GRIP2: variants seen among roughly 807,000 people sequenced by gnomAD.
GRIP2 encodes the protein glutamate receptor interacting protein 2.
In GRIP2, 58 loss-of-function variants were observed where a neutral mutation model predicts 108.3. That is an observed-to-expected ratio of 0.54 (90% CI 0.43 to 0.67). GRIP2 has a LOEUF of 0.67. GRIP2 is among the 30% of genes least tolerant of loss of function. The pLI is 0.00. For missense variants in GRIP2, 1,278 were observed against 1,430.6 expected, an observed-to-expected ratio of 0.89 and a Z score of 1.72; for synonymous variants, 586 against 598.2, an observed-to-expected ratio of 0.98 and a Z score of 0.30.
At chr3:14,544,505 T>C (rs1695028285), upstream of GRIP2, among the ~76,000 whole-genome samples, 1 of 152,276 alleles carries the variant, frequency 6.6e-6, no homozygotes, top group Admixed American at 6.5e-5. Context: ...CCTTCATCTC[T>C]GACTCCAGGG....
the GRIP2 span, among the ~76,000 whole-genome samples, chr3:14,578,210 C>T: frequency 6.6e-6 from 1 of 152,334 alleles, no homozygotes; most frequent in Admixed American, 6.5e-5. Context: ...CTTGTGTTTC[C>T]TGCATCTTTA....
the GRIP2 span, among the ~76,000 whole-genome samples, chr3:14,594,540 A>T: frequency 6.6e-6 from 1 of 152,224 alleles, no homozygotes; most frequent in Non-Finnish European, 1.5e-5. Context: ...CTTGGGATCA[A>T]CACTCAACAC....
At position 14,503,634 on chromosome 3, in the gene GRIP2, G is replaced by A. The variant is rs558738432; in HGVS notation, c.2611C>T (p.Arg871Cys). The change falls in exon 21 of 24, where the codon CGC becomes TGC. Residue 871 changes from arginine (R) to cysteine (C), a missense_variant. By Grantham distance (180) the Arg-to-Cys change is radical. Coordinates refer to ENST00000621039, the MANE Select transcript of GRIP2 (RefSeq NM_001080423.4). ...PGPAREEGFW[R>C]MFGEALEDLE... ...TCTTCGAGAGCTTCTCCAAACATGCGCCAGAAGCCCTCCTCTCGGGCAGGG... is the reference window on the plus strand; with the variant it reads ...TCTTCGAGAGCTTCTCCAAACATGCACCAGAAGCCCTCCTCTCGGGCAGGG... 63 of 1,434,364 alleles carry A rather than the reference G, an allele frequency of 4.4e-5. 1 individual carries two copies. The highest frequency in any genetic ancestry group is 3.9e-4 in the Middle Eastern group (2 of 5,192). The allele number at this position is 1,434,364 out of a possible 1,614,324, so 88.9% of individuals were successfully genotyped here.
the GRIP2 span, among the ~76,000 whole-genome samples, chr3:14,601,066 TCACA>T: frequency 6.2e-3 from 926 of 149,004 alleles, 8 homozygotes; most frequent in African/African-American, 0.017. Flanking sequence ...TCTCTCTCTC[TCACA>T]CACACACACA....
Position 14,492,415 on chromosome 3 carries a change from G to A in GRIP2, c.*1250C>T, listed in dbSNP as rs1027913246. On this transcript the variant is annotated 3_prime_UTR_variant, in exon 24 of 24. Coordinates refer to ENST00000621039, the MANE Select transcript of GRIP2 (RefSeq NM_001080423.4). ...ACTCCATCCCAGGCACCACTCACTA[G>A]ACCACCAGGGGAGGCCCACACCCTT... The A allele has an allele frequency of 2.0e-5, 3 of 152,336 alleles. No individual in the cohort carries two copies. The highest frequency in any genetic ancestry group is 7.2e-5 in the African/African-American group (3 of 41,456). 9.4% of individuals were successfully genotyped at this position (152,336 alleles called of 1,614,324 possible).
the GRIP2 span, chr3:14,573,938 G>C: frequency 9.1e-7 from 1 of 1,094,402 alleles, no homozygotes. Context: ...TCTCGTGCTC[G>C]CGCCCTGCGC....
the GRIP2 span, among the ~76,000 whole-genome samples, chr3:14,582,384 G>A: frequency 2.6e-5 from 4 of 152,186 alleles, no homozygotes; most frequent in African/African-American, 9.7e-5. Context: ...GTAGGCACAG[G>A]GTGAGACCAG....
chr3:14,567,144 G>C, the GRIP2 span, among the ~76,000 whole-genome samples: 1 of 152,068 alleles, frequency 6.6e-6, no homozygotes, highest in South Asian at 2.1e-4. Context: ...GATTCCCCTC[G>C]ATTTCCCTTT....
At chr3:14,501,883 C>A (rs746813316) in intron 21 of GRIP2, among the ~76,000 whole-genome samples, 2 of 151,668 alleles carry the variant, frequency 1.3e-5, no homozygotes, top group Non-Finnish European at 2.9e-5. Context: ...TACAAGAATA[C>A]AAATAAAATT....
intron 1 of GRIP2, among the ~76,000 whole-genome samples, chr3:14,526,960 G>A (rs1006355581): frequency 5.9e-5 from 9 of 152,204 alleles, no homozygotes; most frequent in African/African-American, 2.2e-4. Flanking sequence ...GCCGAGGCAG[G>A]TGGATCACTT....
At chr3:14,503,488 G>A in intron 21 of GRIP2, 78 bp downstream of exon 21, 1 of 959,416 alleles carries the variant, frequency 1.0e-6, no homozygotes, top group South Asian at 1.5e-5. Context: ...CCATCAGCAT[G>A]CCTTCCTCCC....
rs993962998 is a variant in GRIP2 at position 14,522,335 on chromosome 3, G to C, written c.567-548C>G. On this transcript the variant is annotated intron_variant, in intron 6 of 23. Transcript: ENST00000621039. This position sits in a 1 kb window ranked among gnomAD's most constrained non-coding sequence, Gnocchi z 4.3. ...GAGGGGCCCCAGCAGGGTTCACCTC[G>C]GTTTGGGTCGCATCCCCAGCCTGGA... is the stretch of plus-strand genomic sequence containing the variant. 1 of 152,936 alleles carries C rather than the reference G, an allele frequency of 6.5e-6. No homozygotes were observed. Among genetic ancestry groups the C allele is most frequent in the East Asian group, 1.9e-4 (1 of 5,156 alleles). 9.5% of individuals were successfully genotyped at this position (152,936 alleles called of 1,614,324 possible). A position where few individuals can be genotyped will look rare whatever the true frequency, so the allele number is the denominator to read the frequency against.
the GRIP2 span, among the ~76,000 whole-genome samples, chr3:14,583,789 T>C: frequency 1.3e-3 from 199 of 152,328 alleles, no homozygotes; most frequent in African/African-American, 4.6e-3. Context: ...GCATATTTAT[T>C]AGGAAGAGGT....
At position 14,547,388 on chromosome 3, in the gene GRIP2, C is replaced by T. The variant is rs140253950; in HGVS notation, c.55+8512G>A. Among the ~76,000 whole-genome samples the T allele has an allele frequency of 7.4e-4, 113 of 152,228 alleles. 1 individual carries two copies. Among genetic ancestry groups the T allele is most frequent in the African/African-American group, 2.7e-3 (112 of 41,544 alleles). ...GAAGGAATTTGGGGTGGGGATAGGG[C>T]ATGAAGGAGAAGAAATAAGATTATA... On this transcript the variant is annotated intron_variant, in intron 1 of 23. Coordinates refer to the GRIP2 transcript ENST00000637182.
Position 14,525,895 on chromosome 3 carries a change from C to T in GRIP2, c.77G>A (p.Gly26Glu), listed in dbSNP as rs1275531099. Reference sequence around the variant, plus strand: ...GCACGCCAGGGAAACGTCGGCCCCTCCTGCGTCCTTGCCTCCTTTGGAGTA... The same window carrying T: ...GCACGCCAGGGAAACGTCGGCCCCTTCTGCGTCCTTGCCTCCTTTGGAGTA... ...GPYSKGGKDAGGADVSLACRR... is the reference protein window; with the variant it reads ...GPYSKGGKDAEGADVSLACRR... Residue 26 changes from glycine to glutamate, a missense_variant, in exon 2 of 24, where the codon GGA becomes GAA. Physicochemically the swap from Gly to Glu is moderately conservative, Grantham distance 98. Coordinates refer to ENST00000621039, the MANE Select transcript of GRIP2 (RefSeq NM_001080423.4). 1.2e-5 allele frequency: 19 copies of T among 1,561,894 alleles called. No individual in the cohort carries two copies. Among genetic ancestry groups the T allele is most frequent in the Non-Finnish European group, 1.6e-5 (19 of 1,152,702 alleles).
the GRIP2 span, among the ~76,000 whole-genome samples, chr3:14,600,019 T>C: frequency 6.6e-6 from 1 of 152,126 alleles, no homozygotes; most frequent in African/African-American, 2.4e-5. Flanking sequence ...CTGACACATG[T>C]GCTATGTAAG....
At chr3:14,530,588 A>G (rs776896254) in intron 1 of GRIP2, among the ~76,000 whole-genome samples, 2 of 152,200 alleles carry the variant, frequency 1.3e-5, no homozygotes, top group Non-Finnish European at 2.9e-5. Context: ...CACTCTCATT[A>G]AATGTATTCC....
At chr3:14,558,346 T>C (rs2124988899), upstream of GRIP2, among the ~76,000 whole-genome samples, 2 of 152,288 alleles carry the variant, frequency 1.3e-5, no homozygotes, top group East Asian at 3.9e-4. Context: ...CCTGGCTGGC[T>C]TAGCCCAGGG....
intron 1 of GRIP2, among the ~76,000 whole-genome samples, chr3:14,549,402 C>T (rs1695107830): frequency 1.3e-5 from 2 of 152,238 alleles, no homozygotes; most frequent in Admixed American, 6.5e-5. Flanking sequence ...CCTAGTCCCA[C>T]ACCATGGCCT....
Sources: allele counts gnomAD v4.1 joint callset (sites outside exome capture counted in the v4.1 genomes callset), GRCh38; gene constraint gnomAD v4.1.1; non-coding constraint Gnocchi (gnomAD v3.1); transcripts MANE v1.5; gene names NCBI Gene and HGNC (gene_info 2026-07-23, HGNC 2026-07-21).